Variants in MAGI1 observed in about 807,000 individuals in gnomAD.
The protein encoded by MAGI1 is membrane-associated guanylate kinase, WW and PDZ domain-containing protein 1.
In MAGI1, 58 loss-of-function variants were observed where a neutral mutation model predicts 139.9. The observed-to-expected ratio is 0.41, with a 90% CI of 0.34 to 0.52. The LOEUF is 0.52. Ranked by LOEUF, MAGI1 falls within the 20% of genes least tolerant of loss-of-function variation. The probability of loss-of-function intolerance (pLI) is 0.12; values close to 1 mark genes in which losing one functional copy is unlikely to be tolerated. For synonymous variants in MAGI1, 812 were observed against 737.9 expected (o/e 1.10, Z -1.63); for missense variants, 1,874 against 1,901.6 (o/e 0.99, Z 0.27).
chr3:65,662,465 T>C (rs531606413), intron 1 of MAGI1, among the ~76,000 whole-genome samples: 2 of 152,368 alleles, frequency 1.3e-5, no homozygotes, highest in East Asian at 3.9e-4. Context: ...CAAATGGCCA[T>C]GGCCGCGTTC....
intron 2 of MAGI1, among the ~76,000 whole-genome samples, chr3:65,574,533 A>ATT (rs2081096045): frequency 6.6e-6 from 1 of 151,872 alleles, no homozygotes; most frequent in Non-Finnish European, 1.5e-5. Flanking sequence ...TTCTCCACAT[A>ATT]TTCATCTATA....
chr3:65,985,551 T>G (rs9884059), intron 1 of MAGI1, among the ~76,000 whole-genome samples: 2,049 of 152,328 alleles, frequency 0.013, 45 homozygotes, highest in African/African-American at 0.047. Context: ...GAATTGAACA[T>G]TTTTGAAATA....
At chr3:65,734,859 G>T (rs1468671144) in intron 1 of MAGI1, among the ~76,000 whole-genome samples, 1 of 148,440 alleles carries the variant, frequency 6.7e-6, no homozygotes, top group Non-Finnish European at 1.5e-5. Context: ...ATGGTGGGGG[G>T]AGGGGAGGTG....
intron 1 of MAGI1, among the ~76,000 whole-genome samples, chr3:65,694,610 G>A (rs79593760): frequency 6.6e-6 from 1 of 152,196 alleles, no homozygotes; most frequent in Non-Finnish European, 1.5e-5. Flanking sequence ...ACCAAAAGTT[G>A]ATTCTGGCTA....
At chr3:65,594,854 T>C (rs548735676) in intron 2 of MAGI1, among the ~76,000 whole-genome samples, 1 of 152,342 alleles carries the variant, frequency 6.6e-6, no homozygotes, top group South Asian at 2.1e-4. Flanking sequence ...CTTTCAGCTT[T>C]AGAAACCCTT....
intron 12 of MAGI1, among the ~76,000 whole-genome samples, chr3:65,421,750 T>C (rs996026451): frequency 6.6e-6 from 1 of 152,168 alleles, no homozygotes. Flanking sequence ...GTAACCCGCT[T>C]ATAAACTTGA....
chr3:65,757,580 G>C (rs1302135090), intron 1 of MAGI1, among the ~76,000 whole-genome samples: 1 of 152,180 alleles, frequency 6.6e-6, no homozygotes, highest in East Asian at 1.9e-4. Flanking sequence ...AGAGGTTGCA[G>C]TGAGCCAAGA....
intron 1 of MAGI1, among the ~76,000 whole-genome samples, chr3:65,722,802 A>G (rs2033185637): frequency 6.6e-6 from 1 of 152,166 alleles, no homozygotes; most frequent in African/African-American, 2.4e-5. Flanking sequence ...TTAGCCCTCC[A>G]TAGGCCCACA....
At chr3:65,357,155 C>CAAA in intron 22 of MAGI1, 23 bp from the exon 23 acceptor site, 1 of 1,586,500 alleles carries the variant, frequency 6.3e-7, no homozygotes, top group South Asian at 1.2e-5. Flanking sequence ...TAAACGAGAG[C>CAAA]AACAGTTGGG....
intron 1 of MAGI1, among the ~76,000 whole-genome samples, chr3:65,635,673 G>A (rs1271596788): frequency 6.6e-6 from 1 of 152,198 alleles, no homozygotes; most frequent in Non-Finnish European, 1.5e-5. Flanking sequence ...ATGTTTTTAT[G>A]CAAATACAAC....
intron 1 of MAGI1, among the ~76,000 whole-genome samples, chr3:65,725,479 G>A (rs1654820004): frequency 6.6e-6 from 1 of 152,192 alleles, no homozygotes; most frequent in African/African-American, 2.4e-5. Flanking sequence ...ACAGCAGGAG[G>A]ACAGAGGTAC....
chr3:65,965,390 A>G (rs1484536418), intron 1 of MAGI1, among the ~76,000 whole-genome samples: 1 of 152,266 alleles, frequency 6.6e-6, no homozygotes, highest in Non-Finnish European at 1.5e-5. Context: ...CTAGGAATAG[A>G]CATGCAGAAC....
intron 6 of MAGI1, among the ~76,000 whole-genome samples, chr3:65,448,961 G>A (rs894101496): frequency 6.6e-6 from 1 of 152,192 alleles, no homozygotes; most frequent in African/African-American, 2.4e-5. Flanking sequence ...CACAGGAATT[G>A]AGCCTGTTTT....
chr3:65,992,036 A>G (rs1228918506), intron 1 of MAGI1, among the ~76,000 whole-genome samples: 1 of 152,188 alleles, frequency 6.6e-6, no homozygotes, highest in Non-Finnish European at 1.5e-5. Flanking sequence ...AATAAAAATA[A>G]AAATACATAA....
At chr3:65,975,400 A>T (rs1454475481) in intron 1 of MAGI1, among the ~76,000 whole-genome samples, 1 of 152,304 alleles carries the variant, frequency 6.6e-6, no homozygotes, top group East Asian at 1.9e-4. Context: ...GACATTTTAT[A>T]TAAGGCATAA....
chr3:65,933,868 A>G lies in MAGI1; in HGVS notation c.313+104128T>C, dbSNP rs181500807. ...CGGTCAGGTGCGGGGGCTCATGCCTATAATCCCAGCACTTTGGGAGGCCGA... is the reference window on the plus strand; with the variant it reads ...CGGTCAGGTGCGGGGGCTCATGCCTGTAATCCCAGCACTTTGGGAGGCCGA... On this transcript the variant is annotated intron_variant, in intron 1 of 22. Coordinates refer to ENST00000402939, the MANE Select transcript of MAGI1 (RefSeq NM_001033057.2). Among the ~76,000 whole-genome samples the G allele has an allele frequency of 2.0e-5, 3 of 152,244 alleles. No homozygotes were observed. The East Asian group carries it at 5.8e-4, about 29-fold the overall frequency.
intron 2 of MAGI1, among the ~76,000 whole-genome samples, chr3:65,588,633 G>C (rs1056885274): frequency 2.0e-5 from 3 of 152,106 alleles, no homozygotes; most frequent in Admixed American, 2.0e-4. Flanking sequence ...ACATCTCTGA[G>C]TTCTCTTGCA....
At chr3:65,516,704 A>G (rs1376910980) in intron 2 of MAGI1, among the ~76,000 whole-genome samples, 1 of 144,920 alleles carries the variant, frequency 6.9e-6, no homozygotes, top group African/African-American at 2.5e-5. Context: ...GAAGAAACAT[A>G]GTACATCCCA....
intron 1 of MAGI1, among the ~76,000 whole-genome samples, chr3:65,884,555 C>A (rs1414393644): frequency 2.0e-5 from 3 of 152,160 alleles, no homozygotes; most frequent in African/African-American, 7.2e-5. Context: ...AGCTATTAAA[C>A]AACTAATTTT....
Sources: allele counts gnomAD v4.1 joint callset (sites outside exome capture counted in the v4.1 genomes callset), GRCh38; gene constraint gnomAD v4.1.1; transcripts MANE v1.5; gene names NCBI Gene and HGNC (gene_info 2026-07-23, HGNC 2026-07-21).